FBXO32: variants seen among roughly 807,000 people sequenced by gnomAD.
FBXO32 encodes F-box only protein 32.
Under a neutral mutation model 48.3 loss-of-function variants are expected in FBXO32, and 15 were observed. The ratio of observed to expected loss-of-function variants is 0.31; its 90% CI spans 0.21 to 0.48. The LOEUF (loss-of-function observed/expected upper bound fraction) is 0.48, where lower values mean the gene tolerates loss of function less well. FBXO32 is among the 20% of genes least tolerant of loss of function. FBXO32 has a pLI of 0.99. For synonymous variants in FBXO32, 154 were observed against 165.9 expected (o/e 0.93, Z 0.55); for missense variants, 309 against 432.7 (o/e 0.71, Z 2.54).
chr8:123,508,941 C>T (rs1052983214), intron 6 of FBXO32, among the ~76,000 whole-genome samples: 3 of 152,140 alleles, frequency 2.0e-5, no homozygotes, highest in African/African-American at 4.8e-5. Flanking sequence ...CTCTTCCTTT[C>T]GAATATAAAC....
At chr8:123,503,545 A>G (rs1286787087) in intron 8 of FBXO32, 83 bp from the exon 9 acceptor site, 1 of 1,008,328 alleles carries the variant, frequency 9.9e-7, no homozygotes, top group Non-Finnish European at 1.5e-6. Context: ...TCCAACTTCA[A>G]AGCAACAATT....
chr8:123,506,500 G>A lies in FBXO32; in HGVS notation c.726C>T (p.Asp242=), dbSNP rs200895126. The change falls in exon 7 of 9, where the codon GAC becomes GAT. Residue 242 remains aspartate, a synonymous_variant. Coordinates refer to ENST00000517956, the MANE Select transcript of FBXO32 (RefSeq NM_058229.4). This position sits in a 1 kb window ranked among gnomAD's most constrained non-coding sequence, Gnocchi z 4.0. Reference sequence around the variant, plus strand: ...GGCCCAGGCTGACCAGGTCCCGCCCGTCGCTCAGCCTCTGCATGATGTTCA... The same window carrying A: ...GGCCCAGGCTGACCAGGTCCCGCCCATCGCTCAGCCTCTGCATGATGTTCA... ...LQLNIMQRLS[D]GRDLVSLGQA... 42 of 1,613,938 alleles carry A rather than the reference G, an allele frequency of 2.6e-5. No homozygotes were observed. Among genetic ancestry groups the A allele is most frequent in the Non-Finnish European group, 2.5e-5 (30 of 1,179,932 alleles).
At position 123,515,946 on chromosome 8, in the gene FBXO32, C is replaced by T. The variant is rs560321775; in HGVS notation, c.373-1613G>A. On this transcript the variant is annotated intron_variant, in intron 4 of 8. Coordinates refer to ENST00000517956, the MANE Select transcript of FBXO32 (RefSeq NM_058229.4). ...GGCAGAGGTTGCAGTGAGCCGAGATCGTGCCATTGAACTCTCGCCTGGGCA... is the reference window on the plus strand; with the variant it reads ...GGCAGAGGTTGCAGTGAGCCGAGATTGTGCCATTGAACTCTCGCCTGGGCA... Among the ~76,000 whole-genome samples, 45 of 152,192 alleles carry T rather than the reference C, an allele frequency of 3.0e-4. 1 individual carries two copies. The South Asian group carries it at 9.1e-3, about 31-fold the overall frequency.
At chr8:123,534,320 A>T (rs927881292) in intron 2 of FBXO32, among the ~76,000 whole-genome samples, 3 of 152,210 alleles carry the variant, frequency 2.0e-5, no homozygotes, top group Non-Finnish European at 4.4e-5. Flanking sequence ...AGAAATGTTA[A>T]TAAGATTTAT....
At chr8:123,520,110 G>A (rs79048597) in intron 4 of FBXO32, among the ~76,000 whole-genome samples, 3,804 of 151,940 alleles carry the variant, frequency 0.025, 153 homozygotes, top group African/African-American at 0.087. Flanking sequence ...TTTTATTTGT[G>A]TTAAGAGAGC....
chr8:123,504,314 A>C (rs887023435), intron 8 of FBXO32, among the ~76,000 whole-genome samples: 4 of 151,314 alleles, frequency 2.6e-5, no homozygotes, highest in African/African-American at 9.8e-5. Context: ...ACTAAAAGCT[A>C]TGTGTTTCCA....
rs1205742496 is a variant in FBXO32 at position 123,504,696 on chromosome 8, T to C, written c.886A>G (p.Met296Val). The C allele has an allele frequency of 6.2e-7, 1 of 1,614,008 alleles. No homozygotes were observed. The highest frequency in any genetic ancestry group is 1.3e-5 in the African/African-American group (1 of 74,914). Residue 296 changes from methionine to valine, a missense_variant, in exon 8 of 9, where the codon ATG becomes GTG. By Grantham distance (21) the Met-to-Val change is conservative. Transcript: ENST00000517956. ...TAACATCGGACAAGTTTGAAATACATCTTCTTCCAATCCAGCTGCCCTTTG... is the reference window on the plus strand; with the variant it reads ...TAACATCGGACAAGTTTGAAATACACCTTCTTCCAATCCAGCTGCCCTTTG... ...SDKGQLDWKKMYFKLVRCYPR... is the reference protein window; with the variant it reads ...SDKGQLDWKKVYFKLVRCYPR...
chr8:123,513,936 G>A lies in FBXO32; in HGVS notation c.466+304C>T, dbSNP rs1816785908. 1 of 302,102 alleles carries A rather than the reference G, an allele frequency of 3.3e-6. No homozygotes were observed. Among genetic ancestry groups the A allele is most frequent in the African/African-American group, 2.2e-5 (1 of 46,366 alleles). 18.7% of individuals were successfully genotyped at this position (302,102 alleles called of 1,614,324 possible). A position where few individuals can be genotyped will look rare whatever the true frequency, so the allele number is the denominator to read the frequency against. ...ACATGTCGATTTTCTAGGAATTTGG[G>A]ACCCGGAGGCTCGGTAGCCAGTGTT... is the stretch of plus-strand genomic sequence containing the variant. On this transcript the variant is annotated intron_variant, in intron 5 of 8. Transcript: ENST00000517956. This position sits in a 1 kb window ranked among gnomAD's most constrained non-coding sequence, Gnocchi z 4.3.
At position 123,513,244 on chromosome 8, in the gene FBXO32, G is replaced by A. The variant is rs559932736; in HGVS notation, c.605C>T (p.Thr202Met). Residue 202 changes from threonine to methionine, a missense_variant, in exon 6 of 9, where the codon ACG becomes ATG. By Grantham distance (81) the Thr-to-Met change is moderately conservative. Transcript: ENST00000517956. This position sits in a 1 kb window ranked among gnomAD's most constrained non-coding sequence, Gnocchi z 4.3. ...CAGCTGCTGCTGCCAGTGGAGAATC[G>A]TCTCCATCCGATACACCCACATGTT... is the stretch of plus-strand genomic sequence containing the variant. ...NINMWVYRME[T>M]ILHWQQQLNN... The A allele has an allele frequency of 4.0e-5, 65 of 1,614,126 alleles. No individual in the cohort carries two copies. Among genetic ancestry groups the A allele is most frequent in the South Asian group, 6.6e-5 (6 of 91,082 alleles).
At chr8:123,523,593 CA>C (rs1817007622) in intron 4 of FBXO32, among the ~76,000 whole-genome samples, 1 of 132,208 alleles carries the variant, frequency 7.6e-6, no homozygotes, top group Non-Finnish European at 1.6e-5. Flanking sequence ...CGTCTCAAAA[CA>C]AAACAAACAA....
intron 4 of FBXO32, among the ~76,000 whole-genome samples, chr8:123,520,484 T>G (rs1160605081): frequency 6.6e-6 from 1 of 152,148 alleles, no homozygotes; most frequent in African/African-American, 2.4e-5. Flanking sequence ...CACCGCATGC[T>G]GAAACCACAT....
rs932600575 is a variant in FBXO32 at position 123,513,106 on chromosome 8, G to A, written c.651+92C>T. On this transcript the variant is annotated intron_variant, in intron 6 of 8. Coordinates refer to ENST00000517956, the MANE Select transcript of FBXO32 (RefSeq NM_058229.4). This position sits in a 1 kb window ranked among gnomAD's most constrained non-coding sequence, Gnocchi z 4.3. ...AGATCAGAAAAGACCAGACTCTTCC[G>A]TCACAGGAGTGAATTCAAAGTCTTG... is the stretch of plus-strand genomic sequence containing the variant. The A allele has an allele frequency of 1.6e-4, 210 of 1,350,732 alleles. No individual in the cohort carries two copies. The highest frequency in any genetic ancestry group is 2.6e-4 in the African/African-American group (18 of 69,626). The allele number at this position is 1,350,732 out of a possible 1,614,324, so 83.7% of individuals were successfully genotyped here.
At chr8:123,535,915 C>A (rs1220978356) in intron 1 of FBXO32, among the ~76,000 whole-genome samples, 3 of 149,194 alleles carry the variant, frequency 2.0e-5, no homozygotes, top group African/African-American at 7.4e-5. Flanking sequence ...ACTTGATTTA[C>A]ATCTTTTTCA....
At chr8:123,516,020 C>T (rs1199960495) in intron 4 of FBXO32, among the ~76,000 whole-genome samples, 1 of 152,092 alleles carries the variant, frequency 6.6e-6, no homozygotes, top group Non-Finnish European at 1.5e-5. Context: ...AACAAAGATC[C>T]TATTGTTGAA....
chr8:123,518,821 AT>A (rs1816890657), intron 4 of FBXO32, among the ~76,000 whole-genome samples: 1 of 150,370 alleles, frequency 6.7e-6, no homozygotes, highest in Admixed American at 6.6e-5. Flanking sequence ...CAGAGAACAC[AT>A]TTTCTTTTTT....
intron 4 of FBXO32, among the ~76,000 whole-genome samples, chr8:123,516,383 G>T (rs973756543): frequency 6.6e-6 from 1 of 152,100 alleles, no homozygotes; most frequent in East Asian, 1.9e-4. Flanking sequence ...TAGAATCTCC[G>T]CTCCTAGGAA....
intron 1 of FBXO32, among the ~76,000 whole-genome samples, chr8:123,539,369 T>C (rs1817369494): frequency 6.6e-6 from 1 of 152,198 alleles, no homozygotes; most frequent in African/African-American, 2.4e-5. Context: ...CCCATTTTGT[T>C]GAGGGAGAAT....
chr8:123,513,532 C>T lies in FBXO32; in HGVS notation c.467-150G>A, dbSNP rs1201778270. 2.2e-5 allele frequency: 15 copies of T among 684,790 alleles called. No homozygotes were observed. Among genetic ancestry groups the T allele is most frequent in the Middle Eastern group, 4.1e-4 (1 of 2,440 alleles). 42.4% of individuals were successfully genotyped at this position (684,790 alleles called of 1,614,324 possible). A position where few individuals can be genotyped will look rare whatever the true frequency, so the allele number is the denominator to read the frequency against. ...TTCTTCCTCACCAGTGTTTATTGTA[C>T]GCTTGGCCAAGCTTCTGCACTTGAG... On this transcript the variant is annotated intron_variant, in intron 5 of 8. Transcript: ENST00000517956. The surrounding 1 kb of genome is among the most constrained non-coding windows in gnomAD (Gnocchi z 4.3).
chr8:123,506,276 C>T lies in FBXO32; in HGVS notation c.834+116G>A. ...CTTCAACTGTCATTTTTCAGTCAAA[C>T]CAGGGAACCTGGAATAGGGGGAACC... On this transcript the variant is annotated intron_variant, in intron 7 of 8. Coordinates refer to ENST00000517956, the MANE Select transcript of FBXO32 (RefSeq NM_058229.4). This position sits in a 1 kb window ranked among gnomAD's most constrained non-coding sequence, Gnocchi z 4.0. 1 of 1,162,718 alleles carries T rather than the reference C, an allele frequency of 8.6e-7. No individual in the cohort carries two copies. 72.0% of individuals were successfully genotyped at this position (1,162,718 alleles called of 1,614,324 possible).
Sources: allele counts gnomAD v4.1 joint callset (sites outside exome capture counted in the v4.1 genomes callset), GRCh38; gene constraint gnomAD v4.1.1; non-coding constraint Gnocchi (gnomAD v3.1); transcripts MANE v1.5; gene names NCBI Gene and HGNC (gene_info 2026-07-23, HGNC 2026-07-21).